LCP1: variants seen among roughly 807,000 people sequenced by gnomAD.
The protein encoded by LCP1 is lymphocyte cytosolic protein 1, also known as plastin-2.
LCP1 carries 23 observed loss-of-function variants against 72.0 expected under a neutral mutation model. That is an observed-to-expected ratio of 0.32 (90% CI 0.23 to 0.45). LCP1 has a LOEUF of 0.45. LCP1 is among the 20% of genes least tolerant of loss of function. LCP1 has a pLI of 1.00. For synonymous variants in LCP1, 245 were observed against 275.4 expected, an observed-to-expected ratio of 0.89 and a Z score of 1.09; for missense variants, 571 against 748.3, an observed-to-expected ratio of 0.76 and a Z score of 2.76.
chr13:46,130,979 A>G, intron 14 of LCP1, 41 bp from the exon 15 acceptor site: 2 of 1,541,864 alleles, frequency 1.3e-6, no homozygotes, highest in Non-Finnish European at 1.7e-6. Flanking sequence ...ACGTGTCCCA[A>G]AGTTACTCCC....
intron 2 of LCP1, 86 bp downstream of exon 2, chr13:46,159,513 G>T (rs757260623): frequency 9.5e-6 from 10 of 1,053,954 alleles, no homozygotes; most frequent in Admixed American, 7.6e-5. Context: ...CTGAAATTTT[G>T]CTCATGTTCC....
intron 1 of LCP1, among the ~76,000 whole-genome samples, chr13:46,174,542 A>G (rs1359900343): frequency 6.6e-6 from 1 of 152,166 alleles, no homozygotes; most frequent in African/African-American, 2.4e-5. Flanking sequence ...TCTCTTCCTG[A>G]TAGAACATGT....
At chr13:46,144,281 A>C (rs182475267) in intron 11 of LCP1, among the ~76,000 whole-genome samples, 161 bp downstream of exon 11, 43 of 152,332 alleles carry the variant, frequency 2.8e-4, no homozygotes, top group Admixed American at 2.4e-3. Flanking sequence ...TGAGTTTTTC[A>C]ACTGAATATC....
At chr13:46,139,922 T>C (rs1011962467) in intron 13 of LCP1, among the ~76,000 whole-genome samples, 10 of 152,204 alleles carry the variant, frequency 6.6e-5, no homozygotes, top group Admixed American at 2.6e-4. Flanking sequence ...TAAACACTTA[T>C]AATACAGTGA....
chr13:46,178,819 C>G (rs1392263258), intron 1 of LCP1, among the ~76,000 whole-genome samples: 2 of 152,060 alleles, frequency 1.3e-5, no homozygotes, highest in African/African-American at 2.4e-5. Flanking sequence ...AAAGTCCAAG[C>G]CTTTATAATC....
intron 1 of LCP1, among the ~76,000 whole-genome samples, chr13:46,174,030 C>A (rs1256869980): frequency 6.6e-6 from 1 of 152,244 alleles, no homozygotes; most frequent in Non-Finnish European, 1.5e-5. Context: ...CTGCACTACA[C>A]TCTACCTCCT....
At position 46,127,429 on chromosome 13, in the gene LCP1, G is replaced by T; in HGVS notation, c.*162C>A. 1 of 762,570 alleles carries T rather than the reference G, an allele frequency of 1.3e-6. No homozygotes were observed. Among genetic ancestry groups the T allele is most frequent in the Non-Finnish European group, 2.0e-6 (1 of 495,202 alleles). 47.2% of individuals were successfully genotyped at this position (762,570 alleles called of 1,614,324 possible). ...TCCTGCAAAGAATGAAGCACTTTTTGTTAAATACAGGAGAGGCTACTTGGC... is the reference window on the plus strand; with the variant it reads ...TCCTGCAAAGAATGAAGCACTTTTTTTTAAATACAGGAGAGGCTACTTGGC... On this transcript the variant is annotated 3_prime_UTR_variant, in exon 16 of 16. Coordinates refer to ENST00000323076, the MANE Select transcript of LCP1 (RefSeq NM_002298.5).
intron 14 of LCP1, among the ~76,000 whole-genome samples, chr13:46,132,586 A>C (rs2045640701): frequency 6.6e-6 from 1 of 152,196 alleles, no homozygotes. Flanking sequence ...TTCAATATCT[A>C]GAGCTCCTTT....
At chr13:46,178,678 G>A (rs2224778) in intron 1 of LCP1, among the ~76,000 whole-genome samples, 73,117 of 151,968 alleles carry the variant, frequency 0.48, 18,175 homozygotes, top group East Asian at 0.61. Context: ...GCAGTGTTCA[G>A]TATACAGATG....
In LCP1 at chr13:46,127,665, G is replaced by A; in HGVS notation, c.1810C>T (p.Leu604=). The stretch of plus-strand genomic sequence containing the variant: ...ACCATTTTGGGGTTCACTTCAACCA[G>A]GTCTTCTGGCAGGGCATACACTCTT... ...GARVYALPED[L]VEVNPKMVMT... Residue 604 remains leucine (L), a synonymous_variant, in exon 16 of 16, where the codon CTG becomes TTG. Coordinates refer to ENST00000323076, the MANE Select transcript of LCP1 (RefSeq NM_002298.5). 6.2e-7 allele frequency: 1 copy of A among 1,614,164 alleles called. No individual in the cohort carries two copies. Among genetic ancestry groups the A allele is most frequent in the Non-Finnish European group, 8.5e-7 (1 of 1,180,026 alleles).
At chr13:46,179,300 A>G (rs1164454791) in intron 1 of LCP1, among the ~76,000 whole-genome samples, 3 of 152,240 alleles carry the variant, frequency 2.0e-5, no homozygotes, top group Non-Finnish European at 4.4e-5. Context: ...ATTCATAGCA[A>G]TAAATGGAAA....
chr13:46,155,979 T>C lies in LCP1; in HGVS notation c.491+459A>G, dbSNP rs116694427. On this transcript the variant is annotated intron_variant, in intron 5 of 15. Coordinates refer to ENST00000323076, the MANE Select transcript of LCP1 (RefSeq NM_002298.5). ...ATAACCAGGAAAATTGTCCTCATTA[T>C]AGAAGAGACTATCTATGTACTTCTG... 5.5e-3 allele frequency among the ~76,000 whole-genome samples: 836 copies of C among 152,358 alleles called. 4 individuals are homozygous for C. The highest frequency in any genetic ancestry group is 0.019 in the African/African-American group (806 of 41,592).
chr13:46,135,743 CT>C (rs71074757), intron 13 of LCP1, among the ~76,000 whole-genome samples: 70,556 of 130,340 alleles, frequency 0.54, 19,491 homozygotes, highest in Non-Finnish European at 0.63. Flanking sequence ...TCTGGTCTGT[CT>C]TTTTTTTTTT....
At chr13:46,170,263 G>A (rs1308483613) in intron 1 of LCP1, among the ~76,000 whole-genome samples, 1 of 152,266 alleles carries the variant, frequency 6.6e-6, no homozygotes, top group African/African-American at 2.4e-5. Flanking sequence ...TTGCTGGAAA[G>A]ACAACTTTGG....
chr13:46,171,934 C>A (rs372569043), intron 1 of LCP1, among the ~76,000 whole-genome samples: 1 of 152,228 alleles, frequency 6.6e-6, no homozygotes, highest in Admixed American at 6.5e-5. Flanking sequence ...AAACTCAGGG[C>A]GACCAAGGGC....
chr13:46,170,055 A>T (rs1169421055), intron 1 of LCP1, among the ~76,000 whole-genome samples: 1 of 152,138 alleles, frequency 6.6e-6, no homozygotes, highest in Non-Finnish European at 1.5e-5. Context: ...CATGTGAGGT[A>T]CTCAGTAAAT....
rs755722473 is a variant in LCP1, at chr13:46,150,926, C to G, written c.882+10G>C. 3.7e-6 allele frequency: 6 copies of G among 1,611,344 alleles called. No homozygotes were observed. Among genetic ancestry groups the G allele is most frequent in the Non-Finnish European group, 5.1e-6 (6 of 1,178,984 alleles). On this transcript the variant is annotated intron_variant, in intron 8 of 15. Transcript: ENST00000323076. ...TGCAGAGAGTCATGTTCAAACAACG[C>G]TCCTCCTACCTTGATGTCAGTACTG...
Position 46,170,126 on chromosome 13 carries a change from C to T in LCP1, c.-24-10440G>A, listed in dbSNP as rs1163044294. On this transcript the variant is annotated intron_variant, in intron 1 of 15. Transcript: ENST00000323076. Reference sequence around the variant, plus strand: ...ATGGTATACAGGACTTGAAAAGTCCCCTATCACCTTCTTTGAGGAATTTAA... The same window carrying T: ...ATGGTATACAGGACTTGAAAAGTCCTCTATCACCTTCTTTGAGGAATTTAA... 2.0e-5 allele frequency among the ~76,000 whole-genome samples: 3 copies of T among 152,246 alleles called. No individual in the cohort carries two copies. The East Asian group carries it at 5.8e-4, about 29-fold the overall frequency.
Position 46,179,926 on chromosome 13 carries a change from T to C in LCP1, c.-25+2185A>G, listed in dbSNP as rs141254336. Among the ~76,000 whole-genome samples, 708 of 152,326 alleles carry C rather than the reference T, an allele frequency of 4.6e-3. 4 individuals carry two copies. Among genetic ancestry groups the C allele is most frequent in the African/African-American group, 0.016 (666 of 41,568 alleles). ...ATAAAACCTGCAATGGTATCTCTTA[T>C]TTATAAAAATAAAAATGTTTGTAAA... On this transcript the variant is annotated intron_variant, in intron 1 of 15. Transcript: ENST00000323076.
Sources: allele counts gnomAD v4.1 joint callset (sites outside exome capture counted in the v4.1 genomes callset), GRCh38; gene constraint gnomAD v4.1.1; transcripts MANE v1.5; gene names NCBI Gene and HGNC (gene_info 2026-07-23, HGNC 2026-07-21).